The following RPS6KC1 variants were observed in gnomAD, a reference collection of about 807,000 sequenced individuals.
RPS6KC1 encodes the protein ribosomal protein S6 kinase C1.
Under a neutral mutation model 103.8 loss-of-function variants are expected in RPS6KC1, and 54 were observed. That is an observed-to-expected ratio of 0.52 (90% CI 0.42 to 0.65). RPS6KC1 has a LOEUF of 0.65. Among genes scored for constraint, RPS6KC1 ranks in the 30% least tolerant of loss-of-function variants. RPS6KC1 has a pLI of 0.00. For synonymous variants in RPS6KC1, 439 were observed against 438.7 expected, an observed-to-expected ratio of 1.00 and a Z score of -0.01; for missense variants, 1,151 against 1,253.8, an observed-to-expected ratio of 0.92 and a Z score of 1.24.
the RPS6KC1 span, among the ~76,000 whole-genome samples, chr1:213,743,730 A>G: frequency 6.6e-6 from 1 of 152,188 alleles, no homozygotes; most frequent in East Asian, 1.9e-4. Context: ...CACCCAGCCT[A>G]TGCCGCTGGG....
chr1:213,625,446 T>G, the RPS6KC1 span, among the ~76,000 whole-genome samples: 2 of 151,962 alleles, frequency 1.3e-5, no homozygotes, highest in Non-Finnish European at 2.9e-5. Context: ...TTTTTTATTA[T>G]ACTTTAAGTT....
the RPS6KC1 span, among the ~76,000 whole-genome samples, chr1:213,806,847 G>A: frequency 3.1e-4 from 47 of 149,286 alleles, 1 homozygote; most frequent in South Asian, 8.1e-3. Context: ...TATTTTGCTC[G>A]TTAGTTGATG....
chr1:213,850,606 C>T, the RPS6KC1 span, among the ~76,000 whole-genome samples: 17 of 152,194 alleles, frequency 1.1e-4, no homozygotes, highest in African/African-American at 3.9e-4. Context: ...TTACTGTCTC[C>T]AAACCTATAT....
At chr1:213,397,726 A>G in the RPS6KC1 span, among the ~76,000 whole-genome samples, 1 of 152,146 alleles carries the variant, frequency 6.6e-6, no homozygotes, top group African/African-American at 2.4e-5. Context: ...CCCAAAAGAC[A>G]TTTTAAAAGC....
At chr1:213,552,617 A>G in the RPS6KC1 span, among the ~76,000 whole-genome samples, 1 of 152,178 alleles carries the variant, frequency 6.6e-6, no homozygotes, top group Admixed American at 6.5e-5. Flanking sequence ...TCTTTTGCAA[A>G]TATTTTCTCC....
the RPS6KC1 span, among the ~76,000 whole-genome samples, chr1:213,596,666 T>C: frequency 6.6e-6 from 1 of 152,260 alleles, no homozygotes; most frequent in East Asian, 1.9e-4. Context: ...TTAGCACTGA[T>C]AACTGACAGC....
the RPS6KC1 span, among the ~76,000 whole-genome samples, chr1:213,800,817 G>C: frequency 1.3e-5 from 2 of 152,170 alleles, no homozygotes; most frequent in Non-Finnish European, 2.9e-5. Flanking sequence ...ATGGTGTGAG[G>C]TGATTGCAAC....
Position 213,238,482 on chromosome 1 carries a change from C to A in RPS6KC1, c.1226-2220C>A, listed in dbSNP as rs113202919. Among the ~76,000 whole-genome samples, 1,325 of 152,170 alleles carry A rather than the reference C, an allele frequency of 8.7e-3. 21 individuals carry two copies. The highest frequency in any genetic ancestry group is 0.03 in the African/African-American group (1,237 of 41,510). On this transcript the variant is annotated intron_variant, in intron 10 of 14. Coordinates refer to ENST00000366960, the MANE Select transcript of RPS6KC1 (RefSeq NM_012424.6). ...TCAGTAGATGGAGGGAACTTGGCTTCTTGAATGCAGAAATGGCATAAGATC... is the reference window on the plus strand; with the variant it reads ...TCAGTAGATGGAGGGAACTTGGCTTATTGAATGCAGAAATGGCATAAGATC...
chr1:213,203,649 T>G (rs1470097937), intron 8 of RPS6KC1, among the ~76,000 whole-genome samples: 1 of 152,162 alleles, frequency 6.6e-6, no homozygotes, highest in Non-Finnish European at 1.5e-5. Context: ...AAAAATTTTC[T>G]GTTTCTTACA....
At chr1:213,579,986 A>G in the RPS6KC1 span, among the ~76,000 whole-genome samples, 1 of 152,124 alleles carries the variant, frequency 6.6e-6, no homozygotes, top group Admixed American at 6.5e-5. Flanking sequence ...CACAACATCC[A>G]TTCTATAGCT....
chr1:213,301,305 T>C, the RPS6KC1 span, among the ~76,000 whole-genome samples: 7 of 152,198 alleles, frequency 4.6e-5, no homozygotes, highest in Non-Finnish European at 1.0e-4. Context: ...GCCCTAGGAC[T>C]TCTAGCTGTT....
the RPS6KC1 span, among the ~76,000 whole-genome samples, chr1:213,291,044 C>T: frequency 0.97 from 148,001 of 152,300 alleles, 72,066 homozygotes; most frequent in East Asian, 1. Context: ...AAATGTGGCT[C>T]CCAGGCAAGT....
At chr1:213,509,875 A>T in the RPS6KC1 span, among the ~76,000 whole-genome samples, 1 of 152,158 alleles carries the variant, frequency 6.6e-6, no homozygotes, top group East Asian at 1.9e-4. Context: ...CCATAGATGT[A>T]TCTCTTTTAT....
the RPS6KC1 span, among the ~76,000 whole-genome samples, chr1:213,598,097 C>T: frequency 6.6e-6 from 1 of 152,198 alleles, no homozygotes; most frequent in Non-Finnish European, 1.5e-5. Context: ...AGCCCCACAA[C>T]TTGTAGAAAC....
chr1:213,347,530 C>T, the RPS6KC1 span, among the ~76,000 whole-genome samples: 1 of 152,082 alleles, frequency 6.6e-6, no homozygotes, highest in African/African-American at 2.4e-5. Flanking sequence ...ATAGTGAACC[C>T]TGTCACTACA....
At chr1:213,514,231 TA>T in the RPS6KC1 span, among the ~76,000 whole-genome samples, 1 of 152,188 alleles carries the variant, frequency 6.6e-6, no homozygotes, top group African/African-American at 2.4e-5. Context: ...GAGGAAGGGA[TA>T]TATTTTTTTT....
At chr1:213,707,413 A>G in the RPS6KC1 span, among the ~76,000 whole-genome samples, 3 of 151,838 alleles carry the variant, frequency 2.0e-5, no homozygotes, top group South Asian at 2.1e-4. Context: ...TTTCTTGTAA[A>G]TTTATTTAAA....
At chr1:213,222,907 G>A (rs1053733297) in intron 8 of RPS6KC1, among the ~76,000 whole-genome samples, 27 of 152,138 alleles carry the variant, frequency 1.8e-4, no homozygotes, top group African/African-American at 6.3e-4. Flanking sequence ...TGCCCATCTG[G>A]TTAAAAATTC....
chr1:213,343,186 AG>A, the RPS6KC1 span, among the ~76,000 whole-genome samples: 1 of 151,848 alleles, frequency 6.6e-6, no homozygotes, highest in Non-Finnish European at 1.5e-5. Flanking sequence ...GATATCTGGA[AG>A]ATAAAGTTGA....
Sources: gnomAD v4.1 joint callset for allele counts (sites outside exome capture counted in the v4.1 genomes callset) on GRCh38, gnomAD v4.1.1 for gene constraint, MANE v1.5 for transcripts, NCBI Gene and HGNC (gene_info 2026-07-23, HGNC 2026-07-21) for gene names.